Variants in MAGI3 observed in about 807,000 individuals in gnomAD.
The protein encoded by MAGI3 is membrane associated guanylate kinase, WW and PDZ domain containing 3.
Under a neutral mutation model 121.8 loss-of-function variants are expected in MAGI3, and 43 were observed. That is an observed-to-expected ratio of 0.35 (90% CI 0.28 to 0.46). MAGI3 has a LOEUF of 0.46. MAGI3 is among the 20% of genes least tolerant of loss of function. The pLI, the probability that MAGI3 is intolerant of heterozygous loss-of-function variation, is 1.00. For missense variants in MAGI3, 1,547 were observed against 1,797.3 expected (o/e 0.86, Z 2.52); for synonymous variants, 553 against 639.3 (o/e 0.86, Z 2.04).
At chr1:113,571,058 T>G (rs1261305152) in intron 2 of MAGI3, among the ~76,000 whole-genome samples, 5 of 152,226 alleles carry the variant, frequency 3.3e-5, no homozygotes, top group Non-Finnish European at 7.3e-5. Flanking sequence ...CCATCTTGAA[T>G]TAATTTTTGT....
intron 6 of MAGI3, among the ~76,000 whole-genome samples, chr1:113,604,565 CAAAAAAAAAAAAAAAAAA>C (rs59047770): frequency 4.8e-5 from 3 of 61,990 alleles, no homozygotes; most frequent in Admixed American, 6.2e-4. Context: ...GTCTCCATCT[CAAAAAAAAAAAAAAAAAA>C]AAAAAAAAAA....
intron 1 of MAGI3, among the ~76,000 whole-genome samples, chr1:113,421,574 A>C (rs1406869710): frequency 6.6e-6 from 1 of 152,194 alleles, no homozygotes; most frequent in Non-Finnish European, 1.5e-5. Context: ...ATGAGGGTCC[A>C]TCAACTTTTA....
intron 1 of MAGI3, among the ~76,000 whole-genome samples, chr1:113,484,634 C>CTCCCT (rs1656264355): frequency 4.0e-5 from 5 of 123,770 alleles, no homozygotes; most frequent in African/African-American, 1.6e-4. Flanking sequence ...ACCTACCTTT[C>CTCCCT]TCCCTTCCCT....
At chr1:113,445,964 A>G (rs1424753242) in intron 1 of MAGI3, among the ~76,000 whole-genome samples, 1 of 152,212 alleles carries the variant, frequency 6.6e-6, no homozygotes, top group African/African-American at 2.4e-5. Flanking sequence ...AAAAATAAAG[A>G]TCTCAATAAA....
intron 1 of MAGI3, among the ~76,000 whole-genome samples, chr1:113,432,657 G>C (rs1326867468): frequency 6.6e-6 from 1 of 151,522 alleles, no homozygotes; most frequent in Non-Finnish European, 1.5e-5. Context: ...TTAAAGGAAG[G>C]ATTTTATGTT....
chr1:113,676,940 T>TTG (rs1245644142), intron 19 of MAGI3, among the ~76,000 whole-genome samples: 10 of 152,150 alleles, frequency 6.6e-5, no homozygotes, highest in African/African-American at 2.4e-4. Context: ...GAGAGAATTA[T>TTG]TGTGTGTGTG....
intron 1 of MAGI3, among the ~76,000 whole-genome samples, chr1:113,486,033 T>A (rs1031683088): frequency 1.8e-4 from 27 of 152,326 alleles, no homozygotes; most frequent in Admixed American, 1.0e-3. Flanking sequence ...GTGCCTATTT[T>A]TATACCAGTA....
At chr1:113,399,843 T>C (rs542708583) in intron 1 of MAGI3, among the ~76,000 whole-genome samples, 74 of 152,184 alleles carry the variant, frequency 4.9e-4, no homozygotes, top group Non-Finnish European at 9.9e-4. Flanking sequence ...AATTTTATTC[T>C]ACCATTTTGA....
At chr1:113,448,191 T>G (rs1654281417) in intron 1 of MAGI3, among the ~76,000 whole-genome samples, 1 of 152,230 alleles carries the variant, frequency 6.6e-6, no homozygotes, top group South Asian at 2.1e-4. Flanking sequence ...GAAAGTCATA[T>G]CTGGGCTTTT....
intron 1 of MAGI3, among the ~76,000 whole-genome samples, chr1:113,449,363 G>GTGTGTT (rs1193089061): frequency 7.0e-6 from 1 of 142,374 alleles, no homozygotes; most frequent in Non-Finnish European, 1.5e-5. Context: ...CTTTTATGGT[G>GTGTGTT]TGTGTGTGTG....
chr1:113,518,560 A>G (rs180766797), intron 1 of MAGI3, among the ~76,000 whole-genome samples: 2 of 152,232 alleles, frequency 1.3e-5, no homozygotes, highest in Admixed American at 1.3e-4. Flanking sequence ...TTTCAACTAT[A>G]ATTAGATTAA....
intron 1 of MAGI3, among the ~76,000 whole-genome samples, chr1:113,398,092 C>T (rs963327695): frequency 6.6e-6 from 1 of 152,168 alleles, no homozygotes; most frequent in African/African-American, 2.4e-5. Flanking sequence ...TTTCCAGGAG[C>T]AACCCACTTA....
chr1:113,682,143 C>G, intron 20 of MAGI3: 1 of 1,512,226 alleles, frequency 6.6e-7, no homozygotes. Context: ...CCAGTGACAT[C>G]TTTGCTAACT....
chr1:113,511,386 A>C (rs977665357), intron 1 of MAGI3, among the ~76,000 whole-genome samples: 3 of 152,226 alleles, frequency 2.0e-5, no homozygotes, highest in African/African-American at 7.2e-5. Context: ...AAAGAATGAA[A>C]AGATGGTTGT....
At chr1:113,675,356 T>C (rs1006128931) in intron 19 of MAGI3, among the ~76,000 whole-genome samples, 18 of 151,858 alleles carry the variant, frequency 1.2e-4, no homozygotes, top group African/African-American at 4.1e-4. Context: ...AAATGAGGGA[T>C]GAAGGAAAAG....
At chr1:113,569,831 A>G (rs1341331088) in intron 2 of MAGI3, among the ~76,000 whole-genome samples, 5 of 152,108 alleles carry the variant, frequency 3.3e-5, no homozygotes, top group Non-Finnish European at 7.4e-5. Context: ...AGATTTGATG[A>G]TTTACTATAA....
At chr1:113,401,922 G>C (rs371870386) in intron 1 of MAGI3, among the ~76,000 whole-genome samples, 4 of 152,256 alleles carry the variant, frequency 2.6e-5, no homozygotes, top group South Asian at 4.1e-4. Flanking sequence ...TGGATTGTTG[G>C]AACCTCTTAT....
intron 1 of MAGI3, among the ~76,000 whole-genome samples, chr1:113,483,688 C>T (rs1282537627): frequency 6.6e-6 from 1 of 152,110 alleles, no homozygotes; most frequent in African/African-American, 2.4e-5. Context: ...TTGTTTAGAT[C>T]TAAAAGATCT....
intron 6 of MAGI3, among the ~76,000 whole-genome samples, chr1:113,604,873 T>G (rs1307186201): frequency 6.6e-6 from 1 of 151,412 alleles, no homozygotes; most frequent in East Asian, 1.9e-4. Context: ...GGGTATAATG[T>G]ACACTACTTG....
Sources: allele counts gnomAD v4.1 joint callset (sites outside exome capture counted in the v4.1 genomes callset), GRCh38; gene constraint gnomAD v4.1.1; transcripts MANE v1.5; gene names NCBI Gene and HGNC (gene_info 2026-07-23, HGNC 2026-07-21).